Variants in TTC22 observed in about 807,000 individuals in gnomAD.
TTC22 encodes the protein tetratricopeptide repeat protein 22.
In TTC22, 42 loss-of-function variants were observed where a neutral mutation model predicts 48.2. That is an observed-to-expected ratio of 0.87 (90% CI 0.68 to 1.13). TTC22 has a LOEUF of 1.13. TTC22 is among the 50% of genes most tolerant of loss of function. TTC22 has a pLI of 0.00. For missense variants in TTC22, 784 were observed against 807.0 expected (o/e 0.97, Z 0.34); for synonymous variants, 345 against 365.5 (o/e 0.94, Z 0.64).
At position 54,784,595 on chromosome 1, in the gene TTC22, C is replaced by A. The variant is rs748942370; in HGVS notation, c.1020+1388G>T. Reference sequence around the variant, plus strand: ...TTTTATAGAGATATTTTATTATTTACTATTATGGTTAATGTCATTATTATC... The same window carrying A: ...TTTTATAGAGATATTTTATTATTTAATATTATGGTTAATGTCATTATTATC... On this transcript the variant is annotated intron_variant, in intron 5 of 6. Coordinates refer to ENST00000371276, the MANE Select transcript of TTC22 (RefSeq NM_001114108.2). 1.4e-4 allele frequency: 147 copies of A among 1,048,048 alleles called. 1 individual carries two copies. The highest frequency in any genetic ancestry group is 1.6e-4 in the Non-Finnish European group (139 of 856,040). The allele number at this position is 1,048,048 out of a possible 1,614,324, so 64.9% of individuals were successfully genotyped here. A position where few individuals can be genotyped will look rare whatever the true frequency, so the allele number is the denominator to read the frequency against.
rs1646436267 is a variant in TTC22, at chr1:54,801,237, C to A, written c.-74G>T. The A allele has an allele frequency of 4.1e-6, 6 of 1,462,212 alleles. No individual in the cohort carries two copies. The Admixed American group carries it at 8.9e-5, about 22-fold the overall frequency. The allele number at this position is 1,462,212 out of a possible 1,614,324, so 90.6% of individuals were successfully genotyped here. On this transcript the variant is annotated 5_prime_UTR_variant, in exon 1 of 7. Transcript: ENST00000371276. The stretch of plus-strand genomic sequence containing the variant: ...GAGGGCAGTGGATGGGGGCGTTCCC[C>A]GAGCGAGCTCCGTGCGGGAGGCGAG...
intron 4 of TTC22, 68 bp downstream of exon 4, chr1:54,786,889 T>C: frequency 1.3e-6 from 1 of 776,580 alleles, no homozygotes; most frequent in East Asian, 3.0e-5. Flanking sequence ...GCCTGGGTTC[T>C]AGGTGGAGAG....
At chr1:54,790,641 C>A (rs946496638) in intron 1 of TTC22, among the ~76,000 whole-genome samples, 1 of 152,096 alleles carries the variant, frequency 6.6e-6, no homozygotes, top group Non-Finnish European at 1.5e-5. Context: ...TTACACTGGA[C>A]CTGGGAAGGA....
chr1:54,795,768 G>A (rs1646385731), intron 1 of TTC22, among the ~76,000 whole-genome samples: 1 of 152,218 alleles, frequency 6.6e-6, no homozygotes, highest in Non-Finnish European at 1.5e-5. Context: ...CTATGAGGAG[G>A]AGGGTACCCA....
intron 4 of TTC22, 137 bp from the exon 5 acceptor site, chr1:54,786,281 T>A: frequency 1.4e-6 from 1 of 727,186 alleles, no homozygotes; most frequent in East Asian, 2.8e-5. Flanking sequence ...TATCCACCCT[T>A]ATCCACCTGC....
chr1:54,798,097 T>A (rs1344322023), intron 1 of TTC22, among the ~76,000 whole-genome samples: 10 of 152,228 alleles, frequency 6.6e-5, no homozygotes, highest in Non-Finnish European at 1.5e-4. Flanking sequence ...CTGCTCGCCA[T>A]CTGCATTATA....
At chr1:54,784,024 T>G (rs951844527) in intron 5 of TTC22, among the ~76,000 whole-genome samples, 1 of 152,182 alleles carries the variant, frequency 6.6e-6, no homozygotes, top group African/African-American at 2.4e-5. Context: ...AAAAATAAAT[T>G]AATTAACAAA....
Position 54,800,976 on chromosome 1 carries a change from G to A in TTC22, c.188C>T (p.Pro63Leu), listed in dbSNP as rs752913308. Residue 63 changes from proline (P) to leucine (L), a missense_variant, in exon 1 of 7, where the codon CCG (proline) becomes CTG (leucine). Physicochemically the swap from Pro to Leu is moderately conservative, Grantham distance 98 (BLOSUM62 -3). Transcript: ENST00000371276. ...LRQELQLAAA[P>L]QRPAVRHLLG... is the part of the protein sequence containing the mutation. ...GAGGTGACGCACAGCGGGGCGCTGC[G>A]GGGCGGCCGCCAGCTGGAGCTCCTG... 1.9e-5 allele frequency: 30 copies of A among 1,603,750 alleles called. No individual in the cohort carries two copies. Among genetic ancestry groups the A allele is most frequent in the Non-Finnish European group, 2.2e-5 (26 of 1,176,860 alleles).
chr1:54,794,971 T>G (rs1214901260), intron 1 of TTC22: 1 of 152,362 alleles, frequency 6.6e-6, no homozygotes, highest in Non-Finnish European at 1.5e-5. Flanking sequence ...AGAGCAGCCT[T>G]TCTGCTCCTG....
chr1:54,781,351 G>C lies in TTC22; in HGVS notation c.1602C>G (p.Ala534=), dbSNP rs1166988248. The change falls in exon 7 of 7, where the codon GCC becomes GCG. Residue 534 remains alanine (A), a synonymous_variant. Coordinates refer to ENST00000371276, the MANE Select transcript of TTC22 (RefSeq NM_001114108.2). ...GCGCCGGCCGTCCCTGGGCCACCAG[G>C]GCCCGGGCCAGCCCCAACACCTCGT... is the stretch of plus-strand genomic sequence containing the variant. ...HTDEVLGLAR[A]LVAQGRPALV... is the part of the protein sequence containing the mutation. The C allele has an allele frequency of 7.1e-7, 1 of 1,404,436 alleles. No individual in the cohort carries two copies. Among genetic ancestry groups the C allele is most frequent in the East Asian group, 3.1e-5 (1 of 32,676 alleles). The allele number at this position is 1,404,436 out of a possible 1,614,324, so 87.0% of individuals were successfully genotyped here.
In TTC22 at chr1:54,800,578, G is replaced by A. The variant is rs1293011056; in HGVS notation, c.567+19C>T. The A allele has an allele frequency of 4.1e-6, 6 of 1,474,166 alleles. No individual in the cohort carries two copies. Among genetic ancestry groups the A allele is most frequent in the Non-Finnish European group, 5.3e-6 (6 of 1,125,188 alleles). 91.3% of individuals were successfully genotyped at this position (1,474,166 alleles called of 1,614,324 possible). On this transcript the variant is annotated intron_variant, in intron 1 of 6. Coordinates refer to ENST00000371276, the MANE Select transcript of TTC22 (RefSeq NM_001114108.2). ...CCACAGTCCTCCCAGAGGGAGGTAG[G>A]GAGACAGGGGTCACCTACCTGCTGC...
chr1:54,786,289 T>C (rs1646300623), intron 4 of TTC22, 145 bp from the exon 5 acceptor site: 2 of 687,226 alleles, frequency 2.9e-6, no homozygotes, highest in African/African-American at 1.8e-5. Context: ...CTTATCCACC[T>C]GCCAGTAAGT....
rs181081842 is a variant in TTC22, at chr1:54,792,592, C to T, written c.568-4495G>A. 5.3e-4 allele frequency among the ~76,000 whole-genome samples: 81 copies of T among 152,302 alleles called. 1 individual carries two copies. The highest frequency in any genetic ancestry group is 1.7e-3 in the African/African-American group (72 of 41,556). On this transcript the variant is annotated intron_variant, in intron 1 of 6. Transcript: ENST00000371276. ...GGGATTACAGGCATGTGCCACCACA[C>T]GCAGCTAATTTTGTATTTTTAGTAG...
chr1:54,799,742 G>A (rs1646418896), intron 1 of TTC22, among the ~76,000 whole-genome samples: 1 of 152,234 alleles, frequency 6.6e-6, no homozygotes, highest in South Asian at 2.1e-4. Flanking sequence ...AGCAGAGGAA[G>A]CTCTCCCAGC....
chr1:54,799,358 C>T (rs1434813550), intron 1 of TTC22, among the ~76,000 whole-genome samples: 1 of 152,202 alleles, frequency 6.6e-6, no homozygotes, highest in Non-Finnish European at 1.5e-5. Context: ...TTCCTGCTCA[C>T]CTCCTCCAGG....
chr1:54,794,400 G>A (rs1232431115), intron 1 of TTC22, among the ~76,000 whole-genome samples: 1 of 152,206 alleles, frequency 6.6e-6, no homozygotes, highest in African/African-American at 2.4e-5. Flanking sequence ...AGAAGGAAAT[G>A]TTGGGGAGCT....
chr1:54,793,491 G>A (rs977229205), intron 1 of TTC22, among the ~76,000 whole-genome samples: 4 of 152,196 alleles, frequency 2.6e-5, no homozygotes, highest in African/African-American at 9.7e-5. Context: ...GCTGCAAGGA[G>A]CTAGTGTTTG....
intron 1 of TTC22, among the ~76,000 whole-genome samples, chr1:54,794,250 A>G (rs534047782): frequency 6.6e-6 from 1 of 152,324 alleles, no homozygotes; most frequent in African/African-American, 2.4e-5. Context: ...GTGAGGAAGC[A>G]AAAAAGGTTA....
Position 54,801,288 on chromosome 1 carries a change from C to T in TTC22, c.-125G>A. Reference sequence around the variant, plus strand: ...GGGCAGCCGGCAGAGGCCCCGGGCGCTGCGGCCTCTCGGTCTCAGGGCGCC... The same window carrying T: ...GGGCAGCCGGCAGAGGCCCCGGGCGTTGCGGCCTCTCGGTCTCAGGGCGCC... On this transcript the variant is annotated 5_prime_UTR_variant, in exon 1 of 7. Transcript: ENST00000371276. 2 of 1,015,054 alleles carry T rather than the reference C, an allele frequency of 2.0e-6. No homozygotes were observed. The highest frequency in any genetic ancestry group is 2.9e-6 in the Non-Finnish European group (2 of 699,788). The allele number at this position is 1,015,054 out of a possible 1,614,324, so 62.9% of individuals were successfully genotyped here.
Sources: gnomAD v4.1 joint callset for allele counts (sites outside exome capture counted in the v4.1 genomes callset) on GRCh38, gnomAD v4.1.1 for gene constraint, MANE v1.5 for transcripts, NCBI Gene and HGNC (gene_info 2026-07-23, HGNC 2026-07-21) for gene names.